MTX2: variants seen among roughly 807,000 people sequenced by gnomAD.
MTX2 encodes metaxin 2.
Under a neutral mutation model 42.3 loss-of-function variants are expected in MTX2, and 35 were observed. That is an observed-to-expected ratio of 0.83 (90% CI 0.63 to 1.10). MTX2 has a LOEUF of 1.10. MTX2 is among the 50% of genes least tolerant of loss of function. The pLI is 0.00. For missense variants in MTX2, 307 were observed against 304.1 expected (o/e 1.01, Z -0.07); for synonymous variants, 119 against 100.9 (o/e 1.18, Z -1.08).
intron 1 of MTX2, among the ~76,000 whole-genome samples, chr2:176,287,862 A>G (rs1693242257): frequency 6.7e-6 from 1 of 148,520 alleles, no homozygotes; most frequent in South Asian, 2.1e-4. Flanking sequence ...GTGTTTTTTA[A>G]GTAGCCTTAC....
intron 3 of MTX2, among the ~76,000 whole-genome samples, chr2:176,321,515 C>T (rs572016768): frequency 2.6e-5 from 4 of 152,244 alleles, no homozygotes; most frequent in East Asian, 1.9e-4. Context: ...CGGACAAACA[C>T]GGGTAATCCA....
intron 1 of MTX2, among the ~76,000 whole-genome samples, chr2:176,294,121 T>A (rs1049611697): frequency 6.6e-6 from 1 of 152,182 alleles, no homozygotes; most frequent in Non-Finnish European, 1.5e-5. Flanking sequence ...TTTCACCTAT[T>A]TCCAGCTTTA....
chr2:176,332,614 A>G (rs894820926), intron 9 of MTX2, among the ~76,000 whole-genome samples: 1 of 151,374 alleles, frequency 6.6e-6, no homozygotes, highest in African/African-American at 2.4e-5. Flanking sequence ...AGAGAAAAGG[A>G]AAAGGGTAGT....
chr2:176,286,636 G>A (rs1575036371), intron 1 of MTX2, among the ~76,000 whole-genome samples: 1 of 150,604 alleles, frequency 6.6e-6, no homozygotes, highest in African/African-American at 2.4e-5. Flanking sequence ...TGCAACCTCC[G>A]TCTCCCAGGT....
At chr2:176,271,390 A>G (rs1692802569) in intron 1 of MTX2, among the ~76,000 whole-genome samples, 1 of 152,210 alleles carries the variant, frequency 6.6e-6, no homozygotes. Context: ...AAGAGAAGAA[A>G]TTGGCAGATT....
At position 176,312,232 on chromosome 2, in the gene MTX2, C is replaced by T. The variant is rs116791388; in HGVS notation, c.136-11160C>T. Among the ~76,000 whole-genome samples, 883 of 152,244 alleles carry T rather than the reference C, an allele frequency of 5.8e-3. 4 individuals carry two copies. Among genetic ancestry groups the T allele is most frequent in the African/African-American group, 0.02 (829 of 41,544 alleles). ...AAATGCTAATTTTTGCTATAGTTTA[C>T]TAGCTTTCTGTGAACTTAGGAATGT... On this transcript the variant is annotated intron_variant, in intron 3 of 9. Coordinates refer to ENST00000249442, the MANE Select transcript of MTX2 (RefSeq NM_006554.5).
chr2:176,336,900 G>A (rs948253128), intron 9 of MTX2, among the ~76,000 whole-genome samples: 8 of 151,916 alleles, frequency 5.3e-5, no homozygotes, highest in Admixed American at 2.0e-4. Flanking sequence ...CATTTGTTCC[G>A]GGACCCCCAC....
intron 2 of MTX2, among the ~76,000 whole-genome samples, chr2:176,297,481 A>G (rs984223141): frequency 6.6e-6 from 1 of 152,192 alleles, no homozygotes; most frequent in African/African-American, 2.4e-5. Flanking sequence ...ACTGTGCAAT[A>G]TTAACTGCAA....
intron 1 of MTX2, among the ~76,000 whole-genome samples, chr2:176,273,730 G>C (rs1692878675): frequency 1.3e-5 from 2 of 151,746 alleles, no homozygotes; most frequent in Admixed American, 6.6e-5. Context: ...TCCTAAATAG[G>C]ACTTATTCTG....
chr2:176,322,703 G>A (rs531999583), intron 3 of MTX2, among the ~76,000 whole-genome samples: 45 of 151,890 alleles, frequency 3.0e-4, no homozygotes, highest in Middle Eastern at 3.4e-3. Flanking sequence ...ATTATAATGT[G>A]TACATTTTTT....
At position 176,326,805 on chromosome 2, in the gene MTX2, CTT is replaced by C; in HGVS notation, c.209-12_209-11del. The C allele has an allele frequency of 2.1e-6, 3 of 1,425,648 alleles. No homozygotes were observed. Among genetic ancestry groups the C allele is most frequent in the African/African-American group, 3.0e-5 (2 of 67,792 alleles). 88.3% of individuals were successfully genotyped at this position (1,425,648 alleles called of 1,614,324 possible). Reference sequence around the variant, plus strand: ...CATACTGGAAGTATTTTTATAAATACTTTTTTTTTCTCTCAACAGGTAAAGTA... The same window carrying C: ...CATACTGGAAGTATTTTTATAAATACTTTTTTTCTCTCAACAGGTAAAGTA... On this transcript the variant is annotated intron_variant, in intron 4 of 9. Coordinates refer to ENST00000249442, the MANE Select transcript of MTX2 (RefSeq NM_006554.5).
chr2:176,289,860 A>G (rs984237774), intron 1 of MTX2, among the ~76,000 whole-genome samples: 2 of 152,072 alleles, frequency 1.3e-5, no homozygotes, highest in African/African-American at 4.8e-5. Flanking sequence ...TAAATTTCAT[A>G]TTTTGGCATG....
chr2:176,305,712 C>G (rs1189466496), intron 3 of MTX2, among the ~76,000 whole-genome samples: 2 of 151,968 alleles, frequency 1.3e-5, no homozygotes, highest in Admixed American at 6.6e-5. Context: ...CTATAGCTGT[C>G]AGATGTTGAT....
intron 3 of MTX2, among the ~76,000 whole-genome samples, chr2:176,308,907 T>A (rs566996529): frequency 6.6e-6 from 1 of 152,338 alleles, no homozygotes; most frequent in East Asian, 1.9e-4. Context: ...TCCGCTCTGA[T>A]CTTAGTTATT....
intron 3 of MTX2, among the ~76,000 whole-genome samples, chr2:176,301,068 A>G (rs1040583403): frequency 1.3e-5 from 2 of 152,164 alleles, no homozygotes; most frequent in African/African-American, 4.8e-5. Flanking sequence ...TTGTGTGAAC[A>G]TTAACTTTTG....
chr2:176,328,825 T>C, intron 6 of MTX2, 49 bp from the exon 7 acceptor site: 1 of 1,554,608 alleles, frequency 6.4e-7, no homozygotes, highest in Non-Finnish European at 8.8e-7. Context: ...TTCTTTATCC[T>C]TTTCCTCTTT....
intron 9 of MTX2, 102 bp from the exon 10 acceptor site, chr2:176,337,391 G>A: frequency 1.0e-6 from 1 of 1,001,106 alleles, no homozygotes; most frequent in Non-Finnish European, 1.4e-6. Flanking sequence ...GAGGTTAGTT[G>A]AACCTACGAG....
At chr2:176,329,037 CT>C (rs1684789814) in intron 7 of MTX2, 125 bp downstream of exon 7, 1 of 961,568 alleles carries the variant, frequency 1.0e-6, no homozygotes, top group South Asian at 1.7e-5. Context: ...TAGTTTTTCA[CT>C]TACTTTAATT....
intron 3 of MTX2, among the ~76,000 whole-genome samples, chr2:176,305,408 T>C (rs1348927901): frequency 1.3e-5 from 2 of 152,120 alleles, no homozygotes; most frequent in South Asian, 4.1e-4. Context: ...GTGCTAACTA[T>C]GTAACTGCTG....
Sources: allele counts gnomAD v4.1 joint callset (sites outside exome capture counted in the v4.1 genomes callset), GRCh38; gene constraint gnomAD v4.1.1; transcripts MANE v1.5; gene names NCBI Gene and HGNC (gene_info 2026-07-23, HGNC 2026-07-21).